SNF8: variants seen among roughly 807,000 people sequenced by gnomAD.
The protein encoded by SNF8 is SNF8 subunit of ESCRT-II.
SNF8 carries 19 observed loss-of-function variants against 36.8 expected under a neutral mutation model. That is an observed-to-expected ratio of 0.52 (90% CI 0.36 to 0.76). The LOEUF (loss-of-function observed/expected upper bound fraction) is 0.76, where lower values mean the gene tolerates loss of function less well. SNF8 is among the 30% of genes least tolerant of loss of function. SNF8 has a pLI of 0.00. For missense variants in SNF8, 268 were observed against 322.9 expected (o/e 0.83, Z 1.30); for synonymous variants, 127 against 127.4 (o/e 1.00, Z 0.02).
intron 5 of SNF8, chr17:48,933,671 C>G: frequency 3.7e-6 from 1 of 270,156 alleles, no homozygotes. Context: ...GAGTTCAAGG[C>G]TGCAGTGAGC....
intron 3 of SNF8, among the ~76,000 whole-genome samples, chr17:48,939,832 T>C (rs1251330057): frequency 6.6e-6 from 1 of 151,840 alleles, no homozygotes; most frequent in Non-Finnish European, 1.5e-5. Context: ...CCCAGCACTC[T>C]GGAAGGCCAA....
At chr17:48,932,796 G>T (rs1402421913) in intron 6 of SNF8, 1 of 159,524 alleles carries the variant, frequency 6.3e-6, no homozygotes, top group African/African-American at 2.4e-5. Flanking sequence ...ATGGGGATTT[G>T]GGGGAAGATG....
intron 5 of SNF8, chr17:48,934,471 G>T: frequency 4.6e-6 from 1 of 219,214 alleles, no homozygotes; most frequent in Non-Finnish European, 9.5e-6. Context: ...GGCGCCAGTG[G>T]CAGGTACCTG....
intron 2 of SNF8, among the ~76,000 whole-genome samples, chr17:48,942,617 G>A (rs1409587113): frequency 1.3e-5 from 2 of 152,126 alleles, no homozygotes; most frequent in African/African-American, 4.8e-5. Flanking sequence ...GTCCTGGTAT[G>A]TGCCTAGATG....
In SNF8 at chr17:48,938,550, A is replaced by G. The variant is rs1009539604; in HGVS notation, c.245-1426T>C. On this transcript the variant is annotated intron_variant, in intron 3 of 7. Coordinates refer to ENST00000502492, the MANE Select transcript of SNF8 (RefSeq NM_007241.4). ...TGTAGGTTATAGAGCAGTAGTAATT[A>G]TATTATAATCCCATATATGTTTACA... Among the ~76,000 whole-genome samples the G allele has an allele frequency of 2.6e-5, 4 of 151,100 alleles. No homozygotes were observed. In the East Asian group the frequency reaches 7.8e-4, roughly 29 times the overall value.
At chr17:48,939,340 T>C (rs2040985684) in intron 3 of SNF8, among the ~76,000 whole-genome samples, 1 of 151,692 alleles carries the variant, frequency 6.6e-6, no homozygotes, top group African/African-American at 2.4e-5. Flanking sequence ...CTTGGGAGGT[T>C]GAGGCAGGAA....
rs774837813 is a variant in SNF8, at chr17:48,930,478, G to C, written c.774C>G (p.Pro258=). The change falls in exon 8 of 8, where the codon CCC becomes CCG. Residue 258 remains proline, a synonymous_variant. Transcript: ENST00000502492. ...ITAEEAREAL[P] ...CTGTGTGCCCTTCCACATGCAGTCA[G>C]GGGAGGGCTTCTCTGGCCTCCTCAG... is the stretch of plus-strand genomic sequence containing the variant. The C allele has an allele frequency of 1.9e-5, 31 of 1,603,802 alleles. No homozygotes were observed. The highest frequency in any genetic ancestry group is 4.3e-6 in the Non-Finnish European group (5 of 1,175,126).
At chr17:48,934,601 T>C in intron 5 of SNF8, 1 of 154,062 alleles carries the variant, frequency 6.5e-6, no homozygotes, top group East Asian at 1.9e-4. Context: ...AAGAGTCCAT[T>C]TCAAAAAACA....
Position 48,940,974 on chromosome 17 carries a change from C to A in SNF8, c.194G>T (p.Arg65Leu). ...KQEIRKNPEF[R>L]VQFQDMCATI... ...TGCACACATGTCCTGGAACTGCACA[C>A]GGAACTCAGGATTCTTCCGGATCTC... Residue 65 changes from arginine to leucine, a missense_variant, in exon 3 of 8, where the codon CGT (arginine) becomes CTT (leucine). By Grantham distance (102) the Arg-to-Leu change is moderately radical. Coordinates refer to ENST00000502492, the MANE Select transcript of SNF8 (RefSeq NM_007241.4). The A allele has an allele frequency of 6.2e-7, 1 of 1,613,146 alleles. No individual in the cohort carries two copies. The highest frequency in any genetic ancestry group is 8.5e-7 in the Non-Finnish European group (1 of 1,180,014).
Position 48,944,762 on chromosome 17 carries a change from G to C in SNF8, c.-28C>G. 2 of 1,587,404 alleles carry C rather than the reference G, an allele frequency of 1.3e-6. No homozygotes were observed. Among genetic ancestry groups the C allele is most frequent in the Non-Finnish European group, 1.7e-6 (2 of 1,171,194 alleles). ...CCACCCTGGGCCCGCGGGCCGCCCG[G>C]CTGCCGGGACCCCGGGTCTCCACGT... On this transcript the variant is annotated 5_prime_UTR_variant, in exon 1 of 8. Coordinates refer to ENST00000502492, the MANE Select transcript of SNF8 (RefSeq NM_007241.4).
At chr17:48,943,383 G>A (rs1187289839) in intron 2 of SNF8, among the ~76,000 whole-genome samples, 2 of 152,140 alleles carry the variant, frequency 1.3e-5, no homozygotes, top group African/African-American at 4.8e-5. Flanking sequence ...AGCCAAGGTG[G>A]GCGGATCACG....
rs773705786 is a variant in SNF8, at chr17:48,944,782, C to T, written c.-48G>A. 2 of 1,559,896 alleles carry T rather than the reference C, an allele frequency of 1.3e-6. No homozygotes were observed. The highest frequency in any genetic ancestry group is 1.7e-6 in the Non-Finnish European group (2 of 1,160,980). ...GCCCGGCTGCCGGGACCCCGGGTCT[C>T]CACGTCCCGGACTCCGCCGCCGGCT... On this transcript the variant is annotated 5_prime_UTR_variant, in exon 1 of 8. An upstream open reading frame in the 5' UTR gains an earlier in-frame stop. Transcript: ENST00000502492.
chr17:48,943,909 C>A lies in SNF8; in HGVS notation c.105+16G>T. 2 of 1,613,696 alleles carry A rather than the reference C, an allele frequency of 1.2e-6. No homozygotes were observed. The highest frequency in any genetic ancestry group is 1.7e-6 in the Non-Finnish European group (2 of 1,179,598). On this transcript the variant is annotated intron_variant, in intron 2 of 7. Transcript: ENST00000502492. ...TTAGGTCTCCCTCCCTGCCTGGGGC[C>A]CCCCAACCGACTTACCTGGGCTAGC...
chr17:48,930,189 A>C lies in SNF8; in HGVS notation c.*286T>G. On this transcript the variant is annotated 3_prime_UTR_variant, in exon 8 of 8. Coordinates refer to ENST00000502492, the MANE Select transcript of SNF8 (RefSeq NM_007241.4). ...ACAAAGACTAGACAGGCCAGGAAAC[A>C]ACCCACATTCTAGGCCCAGCTCTTC... 1 of 254,798 alleles carries C rather than the reference A, an allele frequency of 3.9e-6. No homozygotes were observed. Among genetic ancestry groups the C allele is most frequent in the South Asian group, 1.0e-4 (1 of 10,038 alleles). 15.8% of individuals were successfully genotyped at this position (254,798 alleles called of 1,614,324 possible). A position where few individuals can be genotyped will look rare whatever the true frequency, so the allele number is the denominator to read the frequency against.
intron 3 of SNF8, among the ~76,000 whole-genome samples, chr17:48,939,872 G>A (rs1457478016): frequency 6.6e-6 from 1 of 151,758 alleles, no homozygotes; most frequent in Non-Finnish European, 1.5e-5. Context: ...CCCAAGAGTT[G>A]AAGACCAAAC....
At chr17:48,932,205 AGC>A (rs1444694080) in intron 6 of SNF8, 1 of 152,620 alleles carries the variant, frequency 6.6e-6, no homozygotes, top group East Asian at 1.9e-4. Flanking sequence ...TGGGTGACAG[AGC>A]GAGACTCCAT....
Position 48,933,234 on chromosome 17 carries a change from C to T in SNF8, c.535G>A (p.Asp179Asn). The change falls in exon 6 of 8, where the codon GAT becomes AAT. Residue 179 changes from aspartate (D) to asparagine (N), a missense_variant. Asp to Asn is a conservative substitution (Grantham distance 23). Transcript: ENST00000502492. ...GCCAGCTGCAGCACCACGGTGTGAT[C>T]CATATTGAGCTCAGCTGGAACAGAC... ...IQSVPAELNM[D>N]HTVVLQLAEK... 3.1e-6 allele frequency: 5 copies of T among 1,613,956 alleles called. No individual in the cohort carries two copies. Among genetic ancestry groups the T allele is most frequent in the Non-Finnish European group, 4.2e-6 (5 of 1,180,034 alleles).
rs775338591 is a variant in SNF8 at position 48,940,934 on chromosome 17, A to T, written c.234T>A (p.Asp78Glu). The change falls in exon 3 of 8, where the codon GAT becomes GAA. Residue 78 changes from aspartate (D) to glutamate (E), a missense_variant. Transcript: ENST00000502492. The stretch of plus-strand genomic sequence containing the variant: ...CAGACAACTTCTTACAGGCCAGCGG[A>T]TCCACGCCAATGGTTGCACACATGT... ...FQDMCATIGVDPLASGKGFWS... is the reference protein window; with the variant it reads ...FQDMCATIGVEPLASGKGFWS... 6.2e-7 allele frequency: 1 copy of T among 1,612,204 alleles called. No homozygotes were observed. The highest frequency in any genetic ancestry group is 1.1e-5 in the South Asian group (1 of 90,996).
chr17:48,944,012 G>A (rs1567791055), intron 1 of SNF8, 37 bp from the exon 2 acceptor site: 1 of 1,604,780 alleles, frequency 6.2e-7, no homozygotes, highest in Admixed American at 1.7e-5. Flanking sequence ...TTAAGAGAGT[G>A]GGCGCTGGAG....
Sources: allele counts gnomAD v4.1 joint callset (sites outside exome capture counted in the v4.1 genomes callset), GRCh38; gene constraint gnomAD v4.1.1; transcripts MANE v1.5; gene names NCBI Gene and HGNC (gene_info 2026-07-23, HGNC 2026-07-21).